The following UNC13B variants were observed in gnomAD, a reference collection of about 807,000 sequenced individuals.
UNC13B encodes the protein unc-13 homolog B.
A neutral mutation model predicts 211.0 loss-of-function variants in UNC13B; 144 were observed. That is an observed-to-expected ratio of 0.68 (90% CI 0.60 to 0.78). UNC13B has a LOEUF of 0.78. Ranked by LOEUF, UNC13B falls within the 30% of genes least tolerant of loss-of-function variation. The probability of loss-of-function intolerance (pLI) is 0.00; values close to 1 mark genes in which losing one functional copy is unlikely to be tolerated. For missense variants in UNC13B, 1,777 were observed against 2,002.0 expected (o/e 0.89, Z 2.14); for synonymous variants, 709 against 725.8 (o/e 0.98, Z 0.37).
chr9:35,183,312 AGGCGGGGCAGCCG>A (rs1822083013), intron 1 of UNC13B, among the ~76,000 whole-genome samples: 1 of 116,294 alleles, frequency 8.6e-6, no homozygotes, highest in Non-Finnish European at 1.8e-5. Flanking sequence ...CTCACCTCCC[AGGCGGGGCAGCCG>A]GGCAGAGGCG....
intron 6 of UNC13B, among the ~76,000 whole-genome samples, chr9:35,251,345 G>A (rs558623820): frequency 1.4e-3 from 207 of 152,200 alleles, no homozygotes; most frequent in African/African-American, 4.6e-3. Context: ...CAGCACTCTG[G>A]GGGGGCCGAG....
intron 22 of UNC13B, chr9:35,384,861 T>C: frequency 1.4e-6 from 1 of 694,572 alleles, no homozygotes; most frequent in Non-Finnish European, 1.8e-6. Context: ...TCTTAGTTCC[T>C]CCTATGTTAG....
rs1000784153 is a variant in UNC13B at position 35,307,743 on chromosome 9, C to G, written c.8339C>G (p.Ala2780Gly). ...TWPKLRLPSS[A>G]TNHGKPLSSF... ...CCAAAGCTTCGTTTGCCATCCTCTG[C>G]TACTAACCATGGGAAACCACTGAGC... The change falls in exon 9 of 40, where the codon GCT becomes GGT. Residue 2780 changes from alanine (A) to glycine (G), a missense_variant. By Grantham distance (60) the Ala-to-Gly change is moderately conservative. Coordinates refer to ENST00000635942, the MANE Select transcript of UNC13B (RefSeq NM_001371189.2). 1.0e-5 allele frequency: 4 copies of G among 398,944 alleles called. No homozygotes were observed. Among genetic ancestry groups the G allele is most frequent in the African/African-American group, 8.2e-5 (4 of 48,622 alleles). 24.7% of individuals were successfully genotyped at this position (398,944 alleles called of 1,614,324 possible). A position where few individuals can be genotyped will look rare whatever the true frequency, so the allele number is the denominator to read the frequency against.
intron 12 of UNC13B, among the ~76,000 whole-genome samples, chr9:35,367,935 A>G (rs1420645476): frequency 6.6e-6 from 1 of 152,136 alleles, no homozygotes; most frequent in Non-Finnish European, 1.5e-5. Context: ...TTTCCTACAA[A>G]GGCTTCTGAC....
rs181791685 is a variant in UNC13B at position 35,303,866 on chromosome 9, G to A, written c.4462G>A (p.Val1488Ile). The part of the protein sequence containing the change: ...SSDHEKTTCP[V>I]VDQESLRMDE... ...AGATCATGAAAAGACTACATGCCCC[G>A]TAGTTGATCAAGAATCATTAAGAAT... Residue 1488 changes from valine (V) to isoleucine (I), a missense_variant, in exon 9 of 40, where the codon GTA becomes ATA. Physicochemically the swap from Val to Ile is conservative, Grantham distance 29 (BLOSUM62 3). Transcript: ENST00000635942. 1.4e-4 allele frequency: 57 copies of A among 398,654 alleles called. No individual in the cohort carries two copies. Among genetic ancestry groups the A allele is most frequent in the Admixed American group, 9.7e-4 (22 of 22,718 alleles). 24.7% of individuals were successfully genotyped at this position (398,654 alleles called of 1,614,324 possible).
chr9:35,203,608 C>T (rs993111746), intron 1 of UNC13B, among the ~76,000 whole-genome samples: 1 of 152,176 alleles, frequency 6.6e-6, no homozygotes, highest in Admixed American at 6.5e-5. Flanking sequence ...TTCATTTCAA[C>T]AGGATCTGTG....
At chr9:35,343,323 T>C (rs1262989332) in intron 11 of UNC13B, among the ~76,000 whole-genome samples, 3 of 152,222 alleles carry the variant, frequency 2.0e-5, no homozygotes, top group African/African-American at 7.2e-5. Flanking sequence ...CCCTCTAGTA[T>C]GAGTTGGATA....
At chr9:35,228,184 C>G in intron 2 of UNC13B, 140 bp downstream of exon 2, 1 of 818,300 alleles carries the variant, frequency 1.2e-6, no homozygotes, top group Non-Finnish European at 1.8e-6. Flanking sequence ...AATCATTAAT[C>G]TAGTGAAAAA....
At chr9:35,232,280 G>A (rs1258918419) in intron 3 of UNC13B, among the ~76,000 whole-genome samples, 1 of 143,762 alleles carries the variant, frequency 7.0e-6, no homozygotes, top group Non-Finnish European at 1.5e-5. Context: ...TCCTGGGCTT[G>A]AGCGATCTTC....
At position 35,399,300 on chromosome 9, in the gene UNC13B, T is replaced by G; in HGVS notation, c.12198+16T>G. The G allele has an allele frequency of 6.2e-7, 1 of 1,614,120 alleles. No homozygotes were observed. Among genetic ancestry groups the G allele is most frequent in the Non-Finnish European group, 8.5e-7 (1 of 1,180,016 alleles). ...TGACCAGACGGTAAGGACACCTCCT[T>G]CCACTTCCTCCTGCTGTCTCCCTTC... On this transcript the variant is annotated intron_variant, in intron 34 of 39. Transcript: ENST00000635942.
intron 1 of UNC13B, among the ~76,000 whole-genome samples, chr9:35,192,357 A>G (rs1822703401): frequency 6.6e-6 from 1 of 152,074 alleles, no homozygotes; most frequent in Non-Finnish European, 1.5e-5. Flanking sequence ...TTTGCTTATT[A>G]TAGGAGACAT....
intron 7 of UNC13B, among the ~76,000 whole-genome samples, chr9:35,269,022 TC>T (rs1264951895): frequency 1.3e-5 from 2 of 152,208 alleles, no homozygotes; most frequent in African/African-American, 4.8e-5. Context: ...ACCAAGCAAT[TC>T]TCTGCTAACA....
Position 35,310,771 on chromosome 9 carries a change from C to G in UNC13B, c.9313C>G (p.Pro3105Ala). 1 of 1,612,910 alleles carries G rather than the reference C, an allele frequency of 6.2e-7. No individual in the cohort carries two copies. The highest frequency in any genetic ancestry group is 1.1e-5 in the South Asian group (1 of 90,962). ...GCTGCAAAAAGACCACTTCCTAGGTCCCCAGGAGAGGTAGGCAACAGCTGC... is the reference window on the plus strand; with the variant it reads ...GCTGCAAAAAGACCACTTCCTAGGTGCCCAGGAGAGGTAGGCAACAGCTGC... ...LVLQKDHFLG[P>A]QESFPEENAS... The change falls in exon 10 of 40, where the codon CCC becomes GCC. Residue 3105 changes from proline (P) to alanine (A), a missense_variant. Coordinates refer to ENST00000635942, the MANE Select transcript of UNC13B (RefSeq NM_001371189.2).
intron 1 of UNC13B, among the ~76,000 whole-genome samples, chr9:35,165,036 G>T (rs1820959253): frequency 6.6e-6 from 1 of 152,178 alleles, no homozygotes; most frequent in Non-Finnish European, 1.5e-5. Flanking sequence ...GAGAAGCTAG[G>T]TTATCTTAAG....
chr9:35,245,455 C>T (rs1826034294), intron 6 of UNC13B, among the ~76,000 whole-genome samples: 2 of 150,322 alleles, frequency 1.3e-5, no homozygotes, highest in East Asian at 2.0e-4. Context: ...CCCATTAACT[C>T]GTCATTTACA....
chr9:35,285,307 A>G (rs901440724), intron 7 of UNC13B, among the ~76,000 whole-genome samples: 1 of 152,184 alleles, frequency 6.6e-6, no homozygotes, highest in African/African-American at 2.4e-5. Flanking sequence ...TCGCAATGTA[A>G]TTCAAGAATC....
chr9:35,167,850 T>C (rs755703505), intron 1 of UNC13B, among the ~76,000 whole-genome samples: 2 of 149,058 alleles, frequency 1.3e-5, no homozygotes, highest in Non-Finnish European at 3.0e-5. Context: ...TGATCTGCCC[T>C]CCTCGGCCCC....
chr9:35,219,948 G>T (rs1433045810), intron 1 of UNC13B, among the ~76,000 whole-genome samples: 1 of 151,808 alleles, frequency 6.6e-6, no homozygotes, highest in Non-Finnish European at 1.5e-5. Context: ...TTTTCTGAAC[G>T]TTTTAAAGCT....
intron 1 of UNC13B, among the ~76,000 whole-genome samples, chr9:35,197,217 CT>C (rs1020196768): frequency 6.6e-6 from 1 of 151,468 alleles, no homozygotes; most frequent in African/African-American, 2.4e-5. Flanking sequence ...TTCCTTTTTT[CT>C]TTTTTTTGAG....
Sources: allele counts gnomAD v4.1 joint callset (sites outside exome capture counted in the v4.1 genomes callset), GRCh38; gene constraint gnomAD v4.1.1; transcripts MANE v1.5; gene names NCBI Gene and HGNC (gene_info 2026-07-23, HGNC 2026-07-21).